PUSL1: variants seen among roughly 807,000 people sequenced by gnomAD.
PUSL1 encodes the protein pseudouridine synthase like 1.
PUSL1 carries 51 observed loss-of-function variants against 30.7 expected under a neutral mutation model. The ratio of observed to expected loss-of-function variants is 1.66; its 90% confidence interval spans 1.33 to 2.10. The LOEUF (loss-of-function observed/expected upper bound fraction) is 2.10. PUSL1 is among the 30% of genes most tolerant of loss of function. PUSL1 has a pLI of 0.00. For synonymous variants in PUSL1, 290 were observed against 192.1 expected (o/e 1.51, Z -4.21); for missense variants, 609 against 427.6 (o/e 1.42, Z -3.74).
rs753718317 is a variant in PUSL1 at position 1,309,803 on chromosome 1, C to T, written c.596C>T (p.Ser199Phe). 3 of 1,553,494 alleles carry T rather than the reference C, an allele frequency of 1.9e-6. No homozygotes were observed. Among genetic ancestry groups the T allele is most frequent in the South Asian group, 2.4e-5 (2 of 84,658 alleles). ...CCCGTGCGAACGCTGCGCCGGGTCT[C>T]CGTTTCCCCAGGCCAAGCCAGCCCC... The part of the protein sequence containing the change: ...PSPVRTLRRV[S>F]VSPGQASPLV... The change falls in exon 5 of 8, where the codon TCC (serine) becomes TTC (phenylalanine). Residue 199 changes from serine (S) to phenylalanine (F), a missense_variant. By Grantham distance (155) the Ser-to-Phe change is radical (BLOSUM62 -2). Coordinates refer to ENST00000379031, the MANE Select transcript of PUSL1 (RefSeq NM_153339.3).
chr1:1,309,301 G>A (rs772338446), intron 3 of PUSL1, 28 bp downstream of exon 3: 13 of 1,469,058 alleles, frequency 8.8e-6, no homozygotes, highest in Admixed American at 2.2e-5. Context: ...GCAGCCCTGG[G>A]GCTGTGCCTT....
At chr1:1,308,999 C>T (rs1641928988) in intron 2 of PUSL1, 27 bp downstream of exon 2, 2 of 1,394,106 alleles carry the variant, frequency 1.4e-6, no homozygotes, top group Non-Finnish European at 9.3e-7. Flanking sequence ...ACGGGACGCC[C>T]GGTGAGGGGT....
Position 1,309,838 on chromosome 1 carries a change from C to G in PUSL1, c.631C>G (p.Pro211Ala). 1 of 1,525,762 alleles carries G rather than the reference C, an allele frequency of 6.6e-7. No homozygotes were observed. The highest frequency in any genetic ancestry group is 2.1e-5 in the Admixed American group (1 of 48,604). 94.5% of individuals were successfully genotyped at this position (1,525,762 alleles called of 1,614,324 possible). The change falls in exon 5 of 8, where the codon CCC (proline) becomes GCC (alanine). Residue 211 changes from proline (P) to alanine (A), a missense_variant. Transcript: ENST00000379031. ...SPGQASPLVTPEESRKLRFWN... is the reference protein window; with the variant it reads ...SPGQASPLVTAEESRKLRFWN... Reference sequence around the variant, plus strand: ...AGGCCAAGCCAGCCCCTTGGTCACCCCCGAGGAGAGCAGGTGAGGAAGGGC... The same window carrying G: ...AGGCCAAGCCAGCCCCTTGGTCACCGCCGAGGAGAGCAGGTGAGGAAGGGC...
chr1:1,310,038 T>A (rs1447586996), intron 5 of PUSL1, 187 bp downstream of exon 5: 1 of 557,032 alleles, frequency 1.8e-6, no homozygotes. Context: ...CCCCCCAGGC[T>A]GGGGAGCGGA....
intron 3 of PUSL1, 31 bp downstream of exon 3, chr1:1,309,304 T>C (rs770944753): frequency 2.7e-6 from 4 of 1,464,276 alleles, no homozygotes; most frequent in Non-Finnish European, 3.6e-6. Flanking sequence ...GCCCTGGGGC[T>C]GTGCCTTCCC....
In PUSL1 at chr1:1,311,582, G is replaced by A. The variant is rs558593844; in HGVS notation, c.*203G>A. 67 of 722,776 alleles carry A rather than the reference G, an allele frequency of 9.3e-5. No homozygotes were observed. Among genetic ancestry groups the A allele is most frequent in the South Asian group, 8.3e-4 (56 of 67,204 alleles). 44.8% of individuals were successfully genotyped at this position (722,776 alleles called of 1,614,324 possible). A position where few individuals can be genotyped will look rare whatever the true frequency, so the allele number is the denominator to read the frequency against. On this transcript the variant is annotated 3_prime_UTR_variant, in exon 8 of 8. Coordinates refer to ENST00000379031, the MANE Select transcript of PUSL1 (RefSeq NM_153339.3). ...TGCAGGACACAGCCATGTACACCAA[G>A]AAGAGAGTACCAAGTAGTCTTTTGT...
At position 1,309,185 on chromosome 1, in the gene PUSL1, G is replaced by C. The variant is rs1325931091; in HGVS notation, c.235G>C (p.Asp79His). 1.3e-6 allele frequency: 2 copies of C among 1,542,580 alleles called. No individual in the cohort carries two copies. Among genetic ancestry groups the C allele is most frequent in the South Asian group, 1.2e-5 (1 of 83,926 alleles). ...VHALSNAAHL[D>H]VQRRSGRPPF... is the part of the protein sequence containing the mutation. ...CGCCCTGAGCAACGCGGCGCACCTG[G>C]ACGTCCAGCGCCGCTCAGGCCGGCC... The change falls in exon 3 of 8, where the codon GAC becomes CAC. Residue 79 changes from aspartate (D) to histidine (H), a missense_variant. Transcript: ENST00000379031.
rs1389791840 is a variant in PUSL1, at chr1:1,310,664, G to A, written c.675G>A (p.Glu225=). ...RKLRFWNLEF[E]SQSFLYRQVR... is the part of the protein sequence containing the mutation. ...TGCGGTTCTGGAACCTGGAGTTTGA[G>A]AGCCAGTCTTTCCTGTATAGACAGG... The change falls in exon 6 of 8, where the codon GAG becomes GAA. Residue 225 remains glutamate (E), a synonymous_variant. Coordinates refer to ENST00000379031, the MANE Select transcript of PUSL1 (RefSeq NM_153339.3). 2 of 1,587,780 alleles carry A rather than the reference G, an allele frequency of 1.3e-6. No homozygotes were observed. Among genetic ancestry groups the A allele is most frequent in the South Asian group, 1.1e-5 (1 of 89,940 alleles).
At chr1:1,310,490 T>A in intron 5 of PUSL1, 144 bp from the exon 6 acceptor site, 5 of 689,134 alleles carry the variant, frequency 7.3e-6, no homozygotes, top group Non-Finnish European at 1.3e-5. Flanking sequence ...GGGCAGGAGA[T>A]CAGCCAGGGC....
At chr1:1,309,298 T>G in intron 3 of PUSL1, 25 bp downstream of exon 3, 1 of 1,469,968 alleles carries the variant, frequency 6.8e-7, no homozygotes, top group Non-Finnish European at 9.0e-7. Flanking sequence ...TAAGCAGCCC[T>G]GGGGCTGTGC....
intron 5 of PUSL1, chr1:1,310,194 C>G (rs1214921453): frequency 5.6e-6 from 2 of 356,274 alleles, no homozygotes; most frequent in African/African-American, 4.2e-5. Context: ...GGCCACCCAC[C>G]AGGTGGCAGC....
In PUSL1 at chr1:1,309,236, G is replaced by T; in HGVS notation, c.286G>T (p.Glu96Ter). 1 of 1,512,420 alleles carries T rather than the reference G, an allele frequency of 6.6e-7. No individual in the cohort carries two copies. The highest frequency in any genetic ancestry group is 8.8e-7 in the Non-Finnish European group (1 of 1,138,128). 93.7% of individuals were successfully genotyped at this position (1,512,420 alleles called of 1,614,324 possible). ...RPPFPPEVLA[E>*]ALNTHLRHPA... ...GCCCTTCCCGCCCGAGGTCCTGGCC[G>T]AGGCCCTCAACACACACCTGCGGCA... Residue 96 changes from glutamate to a stop codon, truncating the protein, a stop_gained, in exon 3 of 8, where the codon GAG (glutamate) becomes TAG (stop). Coordinates refer to ENST00000379031, the MANE Select transcript of PUSL1 (RefSeq NM_153339.3). LOFTEE classifies it high-confidence loss of function.
rs574532588 is a variant in PUSL1 at position 1,309,600 on chromosome 1, CAG to C, written c.473_473+1del. 1.6e-4 allele frequency: 252 copies of C among 1,610,076 alleles called. 3 individuals are homozygous for C. The African/African-American group carries it at 3.1e-3, about 20-fold the overall frequency. On this transcript the variant is annotated frameshift_variant and splice_region_variant, in exon 4 of 8. Transcript: ENST00000379031. LOFTEE classifies it high-confidence loss of function. Reference sequence around the variant, plus strand: ...CGCAACCTATGCTGGACTCTCCCGGCAGAGTGAGTGTGGCCCTGACAGCGGGG... The same window carrying C: ...CGCAACCTATGCTGGACTCTCCCGGCAGTGAGTGTGGCCCTGACAGCGGGG...
chr1:1,311,289 G>A (rs372414553), intron 7 of PUSL1, 41 bp from the exon 8 acceptor site: 52 of 1,505,622 alleles, frequency 3.5e-5, no homozygotes, highest in Middle Eastern at 2.0e-4. Flanking sequence ...GTGCTGGGCC[G>A]GTCTTGCCCC....
Position 1,308,623 on chromosome 1 carries a change from C to G in PUSL1, c.-21C>G. The G allele has an allele frequency of 1.4e-6, 2 of 1,469,964 alleles. No homozygotes were observed. Among genetic ancestry groups the G allele is most frequent in the East Asian group, 3.3e-5 (1 of 30,168 alleles). The allele number at this position is 1,469,964 out of a possible 1,614,324, so 91.1% of individuals were successfully genotyped here. ...TTCCTGCGCTGGAGGCCGCCTCTGA[C>G]GCCACCGGCTGGGCTCCGCCATGAG... On this transcript the variant is annotated 5_prime_UTR_variant, in exon 1 of 8. Coordinates refer to ENST00000379031, the MANE Select transcript of PUSL1 (RefSeq NM_153339.3).
Position 1,309,167 on chromosome 1 carries a change from A to G in PUSL1, c.217A>G (p.Ser73Gly). 1.3e-6 allele frequency: 2 copies of G among 1,537,592 alleles called. No individual in the cohort carries two copies. Among genetic ancestry groups the G allele is most frequent in the Non-Finnish European group, 8.7e-7 (1 of 1,150,220 alleles). ...SRTDAGVHALSNAAHLDVQRR... is the reference protein window; with the variant it reads ...SRTDAGVHALGNAAHLDVQRR... ...CACGGACGCCGGGGTCCACGCCCTG[A>G]GCAACGCGGCGCACCTGGACGTCCA... The change falls in exon 3 of 8, where the codon AGC becomes GGC. Residue 73 changes from serine (S) to glycine (G), a missense_variant. Transcript: ENST00000379031.
chr1:1,311,423 C>A lies in PUSL1; in HGVS notation c.*44C>A. 6.4e-7 allele frequency: 1 copy of A among 1,572,802 alleles called. No individual in the cohort carries two copies. ...AAGTTAGGCCACACCAGGCCCAACC[C>A]TGTGCTGGTCAAGCCAGGGCAGTCA... On this transcript the variant is annotated 3_prime_UTR_variant, in exon 8 of 8. Transcript: ENST00000379031.
At chr1:1,309,968 C>G in intron 5 of PUSL1, 117 bp downstream of exon 5, 1 of 812,870 alleles carries the variant, frequency 1.2e-6, no homozygotes, top group Non-Finnish European at 1.9e-6. Flanking sequence ...CGGGAGTCCT[C>G]AGGACCTGGA....
chr1:1,311,085 G>C lies in PUSL1; in HGVS notation c.862+14G>C. ...ACGGGAACCTCGGTAAGAAAAACAG[G>C]CACGAGAAGCTCCTGTCATGTGCCC... On this transcript the variant is annotated intron_variant, in intron 7 of 7. Coordinates refer to ENST00000379031, the MANE Select transcript of PUSL1 (RefSeq NM_153339.3). The C allele has an allele frequency of 1.3e-6, 2 of 1,588,232 alleles. No homozygotes were observed. The highest frequency in any genetic ancestry group is 2.3e-5 in the South Asian group (2 of 88,594).
Sources: allele counts gnomAD v4.1 joint callset, GRCh38; gene constraint gnomAD v4.1.1; transcripts MANE v1.5; gene names NCBI Gene and HGNC (gene_info 2026-07-23, HGNC 2026-07-21).